Variants in FSTL4 observed in about 807,000 individuals in gnomAD.
FSTL4 encodes follistatin like 4.
Under a neutral mutation model 78.2 loss-of-function variants are expected in FSTL4, and 28 were observed. The observed-to-expected ratio is 0.36, with a 90% CI of 0.27 to 0.49. The LOEUF (loss-of-function observed/expected upper bound fraction) is 0.49. Among genes scored for constraint, FSTL4 ranks in the 20% least tolerant of loss-of-function variants. FSTL4 has a pLI of 0.98. For missense variants in FSTL4, 922 were observed against 1,084.9 expected (o/e 0.85, Z 2.11); for synonymous variants, 422 against 440.5 (o/e 0.96, Z 0.53).
the FSTL4 span, among the ~76,000 whole-genome samples, chr5:133,651,891 C>A: frequency 6.6e-6 from 1 of 152,190 alleles, no homozygotes; most frequent in South Asian, 2.1e-4. Flanking sequence ...TGATAGAATT[C>A]ACCTGTCATC....
chr5:133,233,404 G>A lies in FSTL4; in HGVS notation c.1015+13C>T, dbSNP rs755838265. The A allele has an allele frequency of 4.3e-6, 7 of 1,613,924 alleles. No individual in the cohort carries two copies. The highest frequency in any genetic ancestry group is 5.9e-6 in the Non-Finnish European group (7 of 1,179,928). On this transcript the variant is annotated intron_variant, in intron 8 of 15. Coordinates refer to ENST00000265342, the MANE Select transcript of FSTL4 (RefSeq NM_015082.2). Reference sequence around the variant, plus strand: ...GCTATGAGGGGACAACATGCATGGAGCCATTTACTAACCATTCACCTGCAG... The same window carrying A: ...GCTATGAGGGGACAACATGCATGGAACCATTTACTAACCATTCACCTGCAG...
chr5:133,348,325 G>A (rs532164360), intron 4 of FSTL4, among the ~76,000 whole-genome samples: 1 of 152,362 alleles, frequency 6.6e-6, no homozygotes, highest in African/African-American at 2.4e-5. Flanking sequence ...TCTAAGCAGA[G>A]GCACTGGGGA....
intron 6 of FSTL4, among the ~76,000 whole-genome samples, chr5:133,306,287 G>C (rs1000728739): frequency 1.3e-5 from 2 of 152,252 alleles, no homozygotes; most frequent in Admixed American, 6.5e-5. Context: ...CAGGCACGCA[G>C]GGCTGAGGAG....
Position 133,312,664 on chromosome 5 carries a change from G to A in FSTL4, c.717C>T (p.Tyr239=). 1.2e-6 allele frequency: 2 copies of A among 1,614,056 alleles called. No individual in the cohort carries two copies. Among genetic ancestry groups the A allele is most frequent in the Non-Finnish European group, 1.7e-6 (2 of 1,179,902 alleles). ...TGGGACCCAACTTACGGAAGGCCATGTAGAACTCGCGGAGGGTCAGGGAGC... is the reference window on the plus strand; with the variant it reads ...TGGGACCCAACTTACGGAAGGCCATATAGAACTCGCGGAGGGTCAGGGAGC... ...SDSSLTLREF[Y]MAFQVVQLSL... is the part of the protein sequence containing the mutation. The change falls in exon 6 of 16, where the codon TAC becomes TAT. Residue 239 remains tyrosine, a synonymous_variant. Transcript: ENST00000265342.
At chr5:133,526,074 A>G (rs529729661) in intron 3 of FSTL4, among the ~76,000 whole-genome samples, 149 of 152,332 alleles carry the variant, frequency 9.8e-4, no homozygotes, top group Non-Finnish European at 1.5e-3. Flanking sequence ...GGAAAGCACG[A>G]CTTTAACAGA....
chr5:133,839,850 T>A, the FSTL4 span, among the ~76,000 whole-genome samples: 1 of 152,230 alleles, frequency 6.6e-6, no homozygotes, highest in Admixed American at 6.5e-5. Context: ...AAGAAGTTTT[T>A]AAAAGGCTTT....
the FSTL4 span, among the ~76,000 whole-genome samples, chr5:133,680,997 C>A: frequency 2.6e-4 from 39 of 152,336 alleles, no homozygotes. Context: ...TGTGCAGTGG[C>A]CTCTCTACTC....
chr5:133,302,142 G>A (rs1158697630), intron 6 of FSTL4, among the ~76,000 whole-genome samples: 1 of 152,012 alleles, frequency 6.6e-6, no homozygotes, highest in Non-Finnish European at 1.5e-5. Context: ...ATATGTAAAG[G>A]CAAAAACCTG....
rs191431993 is a variant in FSTL4, at chr5:133,222,465, C to T, written c.1340-1599G>A. On this transcript the variant is annotated intron_variant, in intron 11 of 15. Coordinates refer to ENST00000265342, the MANE Select transcript of FSTL4 (RefSeq NM_015082.2). ...TCTTTCACCTGACAAACTGCTTCCA[C>T]GCAAACCTAGGGGCCAGAGGGGTCA... Among the ~76,000 whole-genome samples, 54 of 152,288 alleles carry T rather than the reference C, an allele frequency of 3.5e-4. No homozygotes were observed. The East Asian group carries it at 8.7e-3, about 24-fold the overall frequency.
intron 6 of FSTL4, among the ~76,000 whole-genome samples, chr5:133,286,535 G>A (rs2126864219): frequency 6.6e-6 from 1 of 152,232 alleles, no homozygotes; most frequent in African/African-American, 2.4e-5. Context: ...TCACCCATAG[G>A]CTATGGTTCA....
At chr5:133,465,521 T>G (rs1259417431) in intron 3 of FSTL4, among the ~76,000 whole-genome samples, 1 of 152,084 alleles carries the variant, frequency 6.6e-6, no homozygotes, top group South Asian at 2.1e-4. Flanking sequence ...GTGGGAGCGG[T>G]GGTTGTTCAG....
intron 3 of FSTL4, among the ~76,000 whole-genome samples, chr5:133,452,415 C>T (rs1024891012): frequency 3.3e-5 from 5 of 152,242 alleles, no homozygotes; most frequent in Non-Finnish European, 7.3e-5. Flanking sequence ...GAGGGATCTG[C>T]AGCCAGAGAA....
the FSTL4 span, among the ~76,000 whole-genome samples, chr5:133,719,776 A>T: frequency 6.6e-6 from 1 of 152,122 alleles, no homozygotes; most frequent in Non-Finnish European, 1.5e-5. Context: ...ACTCTGAAAA[A>T]GAAAAGTAGT....
chr5:133,784,259 G>A, the FSTL4 span, among the ~76,000 whole-genome samples: 3 of 152,052 alleles, frequency 2.0e-5, no homozygotes, highest in African/African-American at 4.8e-5. Flanking sequence ...AAATTCACTC[G>A]GCATTTGAAA....
chr5:133,337,621 G>A (rs1357744427), intron 4 of FSTL4, among the ~76,000 whole-genome samples: 1 of 152,180 alleles, frequency 6.6e-6, no homozygotes, highest in Non-Finnish European at 1.5e-5. Context: ...CTTGAAAGCT[G>A]GGCTGCCAAA....
intron 3 of FSTL4, among the ~76,000 whole-genome samples, chr5:133,556,278 C>T (rs2112933230): frequency 6.6e-6 from 1 of 152,282 alleles, no homozygotes; most frequent in African/African-American, 2.4e-5. Context: ...AATAAGATTG[C>T]AATGCCTATC....
chr5:133,541,853 C>T (rs990766077), intron 3 of FSTL4, among the ~76,000 whole-genome samples: 3 of 151,884 alleles, frequency 2.0e-5, no homozygotes, highest in African/African-American at 7.3e-5. Flanking sequence ...AACCTGGCTG[C>T]TAGGGGTGTA....
intron 3 of FSTL4, among the ~76,000 whole-genome samples, chr5:133,436,023 C>T (rs1757025922): frequency 6.6e-6 from 1 of 152,090 alleles, no homozygotes; most frequent in South Asian, 2.1e-4. Context: ...TTCCCACATG[C>T]CAAGTGTTAG....
chr5:133,229,996 CCT>C (rs1561631746), intron 8 of FSTL4, among the ~76,000 whole-genome samples: 2 of 152,294 alleles, frequency 1.3e-5, no homozygotes, highest in East Asian at 3.9e-4. Flanking sequence ...CAGACTCCAC[CCT>C]CTCACTTCAC....
Sources: gnomAD v4.1 joint callset for allele counts (sites outside exome capture counted in the v4.1 genomes callset) on GRCh38, gnomAD v4.1.1 for gene constraint, MANE v1.5 for transcripts, NCBI Gene and HGNC (gene_info 2026-07-23, HGNC 2026-07-21) for gene names.